The following AIG1 variants were observed in gnomAD, a reference collection of about 807,000 sequenced individuals.
The protein encoded by AIG1 is androgen induced 1, also known as androgen-induced gene 1 protein.
A neutral mutation model predicts 31.4 loss-of-function variants in AIG1; 23 were observed. That is an observed-to-expected ratio of 0.73 (90% CI 0.53 to 1.04). The LOEUF is 1.04. Ranked by LOEUF, AIG1 falls within the 50% of genes least tolerant of loss-of-function variation. AIG1 has a pLI of 0.00. For missense variants in AIG1, 274 were observed against 295.0 expected, an observed-to-expected ratio of 0.93 and a Z score of 0.52; for synonymous variants, 100 against 110.5, an observed-to-expected ratio of 0.90 and a Z score of 0.60.
At chr6:143,342,596 C>G, downstream of AIG1, 1 of 1,053,648 alleles carries the variant, frequency 9.5e-7, no homozygotes. Flanking sequence ...GGATCAGCTG[C>G]TATTTGGCAA....
At chr6:143,070,145 G>A (rs377570854) in intron 1 of AIG1, among the ~76,000 whole-genome samples, 3 of 152,094 alleles carry the variant, frequency 2.0e-5, no homozygotes, top group African/African-American at 7.2e-5. Context: ...ATTTGTTTAT[G>A]CTATTCTAAT....
chr6:143,212,999 C>G lies in AIG1; in HGVS notation c.399+47816C>G, dbSNP rs572898317. ...AAATGGAACCACAATGCAGACATCT[C>G]TGGATCAACTTCTGAAAAAGCATTG... On this transcript the variant is annotated intron_variant, in intron 3 of 5. Coordinates refer to ENST00000357847, the MANE Select transcript of AIG1 (RefSeq NM_016108.4). 1.9e-4 allele frequency among the ~76,000 whole-genome samples: 29 copies of G among 152,328 alleles called. No homozygotes were observed. In the South Asian group the frequency reaches 6.0e-3, roughly 32 times the overall value.
chr6:143,281,391 C>T (rs963811660), intron 3 of AIG1, among the ~76,000 whole-genome samples: 4 of 152,186 alleles, frequency 2.6e-5, no homozygotes, highest in Non-Finnish European at 5.9e-5. Context: ...GAGCAAAACA[C>T]TAAGAGTGCT....
intron 3 of AIG1, among the ~76,000 whole-genome samples, chr6:143,211,919 G>T (rs1351852915): frequency 6.6e-6 from 1 of 151,954 alleles, no homozygotes; most frequent in Non-Finnish European, 1.5e-5. Flanking sequence ...TCCAACGTAA[G>T]TTTATTTCTA....
chr6:143,060,867 C>T (rs1292397741), upstream of AIG1: 2 of 1,209,344 alleles, frequency 1.7e-6, no homozygotes, highest in Non-Finnish European at 1.0e-6. Flanking sequence ...CCCGCGCGCC[C>T]GGCGCCTCCC....
intron 3 of AIG1, among the ~76,000 whole-genome samples, chr6:143,281,262 G>GA (rs1797322137): frequency 1.3e-5 from 2 of 152,218 alleles, no homozygotes; most frequent in Admixed American, 1.3e-4. Flanking sequence ...CCCATCTGCA[G>GA]AATGGAGTTA....
chr6:143,112,827 G>T (rs1268671349), intron 1 of AIG1, among the ~76,000 whole-genome samples: 1 of 152,154 alleles, frequency 6.6e-6, no homozygotes, highest in Non-Finnish European at 1.5e-5. Flanking sequence ...GTAGAGAACT[G>T]CATGGGAGAT....
intron 1 of AIG1, among the ~76,000 whole-genome samples, chr6:143,122,037 T>C (rs1300292554): frequency 2.0e-5 from 3 of 152,208 alleles, no homozygotes; most frequent in Admixed American, 6.5e-5. Context: ...ATAAATTATG[T>C]ATTTTCTTTG....
chr6:143,304,460 C>T (rs1799093354), intron 4 of AIG1, among the ~76,000 whole-genome samples: 2 of 152,002 alleles, frequency 1.3e-5, no homozygotes, highest in African/African-American at 4.8e-5. Flanking sequence ...TGTCAAAGGC[C>T]TTTTCTGCAT....
intron 3 of AIG1, among the ~76,000 whole-genome samples, chr6:143,195,186 T>C (rs1395767616): frequency 1.3e-5 from 2 of 152,052 alleles, no homozygotes; most frequent in Non-Finnish European, 2.9e-5. Flanking sequence ...GCTATGGTGA[T>C]TTAGGGAGCA....
intron 4 of AIG1, among the ~76,000 whole-genome samples, chr6:143,290,214 G>C (rs1398946963): frequency 6.6e-6 from 1 of 152,210 alleles, no homozygotes; most frequent in East Asian, 1.9e-4. Flanking sequence ...TTTAGAACAG[G>C]AGTAAAAGTT....
chr6:143,185,480 A>G (rs1789176992), intron 3 of AIG1, among the ~76,000 whole-genome samples: 1 of 152,156 alleles, frequency 6.6e-6, no homozygotes, highest in Non-Finnish European at 1.5e-5. Flanking sequence ...CTTGTCTCCC[A>G]TTCAGAACTC....
At chr6:143,109,037 T>G (rs1331210558) in intron 1 of AIG1, among the ~76,000 whole-genome samples, 1 of 152,210 alleles carries the variant, frequency 6.6e-6, no homozygotes, top group African/African-American at 2.4e-5. Flanking sequence ...AGATTATAGC[T>G]GCTCATTCTT....
chr6:143,182,101 C>T (rs911865362), intron 3 of AIG1, among the ~76,000 whole-genome samples: 14 of 152,100 alleles, frequency 9.2e-5, no homozygotes, highest in African/African-American at 3.4e-4. Context: ...TCATAGCTCA[C>T]TTTAACCTCA....
chr6:143,061,356 G>A, intron 1 of AIG1: 5 of 550,650 alleles, frequency 9.1e-6, no homozygotes, highest in Non-Finnish European at 1.4e-5. Context: ...TTTGGAGGGG[G>A]ACACCGAACT....
intron 3 of AIG1, among the ~76,000 whole-genome samples, chr6:143,216,317 T>C (rs1398814427): frequency 6.6e-6 from 1 of 152,178 alleles, no homozygotes; most frequent in Non-Finnish European, 1.5e-5. Flanking sequence ...TATGTTCAGT[T>C]TGGAGGATTC....
chr6:143,310,264 A>G (rs1326471146), intron 4 of AIG1, among the ~76,000 whole-genome samples: 2 of 151,942 alleles, frequency 1.3e-5, no homozygotes, highest in Non-Finnish European at 2.9e-5. Context: ...ATCTTAACAG[A>G]GTTAAAAAAA....
chr6:143,079,268 G>A (rs1368571255), intron 1 of AIG1, among the ~76,000 whole-genome samples: 1 of 152,106 alleles, frequency 6.6e-6, no homozygotes, highest in Non-Finnish European at 1.5e-5. Context: ...GATTATGATA[G>A]AGGACTTTTC....
chr6:143,163,583 AGATCTCTGTGGG>A (rs1251868003), intron 2 of AIG1, among the ~76,000 whole-genome samples: 1 of 152,130 alleles, frequency 6.6e-6, no homozygotes, highest in Non-Finnish European at 1.5e-5. Context: ...TCTTGTTATT[AGATCTCTGTGGG>A]GTCCTCCTGA....
Sources: gnomAD v4.1 joint callset for allele counts (sites outside exome capture counted in the v4.1 genomes callset) on GRCh38, gnomAD v4.1.1 for gene constraint, MANE v1.5 for transcripts, NCBI Gene and HGNC (gene_info 2026-07-23, HGNC 2026-07-21) for gene names.